Variants in XKR4 observed in about 807,000 individuals in gnomAD.
XKR4 encodes XK related 4, also known as XK-related protein 4.
In XKR4, 12 loss-of-function variants were observed where a neutral mutation model predicts 53.9. The observed-to-expected ratio is 0.22, with a 90% confidence interval of 0.14 to 0.36. The LOEUF is 0.36. XKR4 is among the 10% of genes least tolerant of loss of function. XKR4 has a pLI of 1.00. For synonymous variants in XKR4, 354 were observed against 362.4 expected (o/e 0.98, Z 0.26); for missense variants, 799 against 859.5 (o/e 0.93, Z 0.88).
At chr8:55,307,314 T>C (rs1644904381) in intron 1 of XKR4, among the ~76,000 whole-genome samples, 1 of 151,800 alleles carries the variant, frequency 6.6e-6, no homozygotes, top group Admixed American at 6.6e-5. Flanking sequence ...ACAACCTAAG[T>C]ACAAATTGGG....
At chr8:55,306,870 C>T (rs540808888) in intron 1 of XKR4, among the ~76,000 whole-genome samples, 6 of 151,598 alleles carry the variant, frequency 4.0e-5, no homozygotes, top group African/African-American at 1.5e-4. Flanking sequence ...GATGGATTTC[C>T]ATATGCAAAA....
intron 1 of XKR4, among the ~76,000 whole-genome samples, chr8:55,316,040 G>A (rs564033658): frequency 6.6e-5 from 10 of 152,196 alleles, no homozygotes; most frequent in East Asian, 3.9e-4. Context: ...CACCTACACC[G>A]TAAAAAATCA....
At chr8:55,439,178 T>G (rs1016992552) in intron 2 of XKR4, among the ~76,000 whole-genome samples, 1 of 152,232 alleles carries the variant, frequency 6.6e-6, no homozygotes, top group Admixed American at 6.5e-5. Context: ...CCTTAGAATC[T>G]TCAAGCTAAA....
At chr8:55,350,745 T>C (rs1803713130) in intron 1 of XKR4, among the ~76,000 whole-genome samples, 1 of 146,118 alleles carries the variant, frequency 6.8e-6, no homozygotes, top group Admixed American at 6.8e-5. Flanking sequence ...TTTCTTTTTT[T>C]TTTTTTTTTT....
intron 1 of XKR4, among the ~76,000 whole-genome samples, chr8:55,271,597 A>G (rs1410500984): frequency 6.6e-6 from 1 of 152,238 alleles, no homozygotes; most frequent in Non-Finnish European, 1.5e-5. Flanking sequence ...AGGGCTGGAA[A>G]GCTTTATAGC....
At chr8:55,178,615 G>A (rs1390576885) in intron 1 of XKR4, among the ~76,000 whole-genome samples, 2 of 152,206 alleles carry the variant, frequency 1.3e-5, no homozygotes, top group African/African-American at 4.8e-5. Context: ...GTGGAAGAGA[G>A]ACCCCTGAGC....
intron 1 of XKR4, among the ~76,000 whole-genome samples, chr8:55,167,712 T>C (rs1817089075): frequency 1.3e-5 from 2 of 152,044 alleles, no homozygotes; most frequent in Admixed American, 1.3e-4. Flanking sequence ...CTTTTGGGAG[T>C]CACCAACTAA....
At chr8:55,357,268 T>C (rs1241615762) in intron 1 of XKR4, among the ~76,000 whole-genome samples, 1 of 152,246 alleles carries the variant, frequency 6.6e-6, no homozygotes, top group Non-Finnish European at 1.5e-5. Flanking sequence ...AAGGTTTATA[T>C]GCACATATAT....
Position 55,450,699 on chromosome 8 carries a change from G to A in XKR4, c.1007-72582G>A, listed in dbSNP as rs1805424892. Reference sequence around the variant, plus strand: ...GTCCAGCCAGAATGTGGGCTCCCCCGTGGCTGAAGCGATGACTGAAGGACA... The same window carrying A: ...GTCCAGCCAGAATGTGGGCTCCCCCATGGCTGAAGCGATGACTGAAGGACA... On this transcript the variant is annotated intron_variant, in intron 2 of 2. Coordinates refer to ENST00000327381, the MANE Select transcript of XKR4 (RefSeq NM_052898.2). 5 of 584,302 alleles carry A rather than the reference G, an allele frequency of 8.6e-6. No homozygotes were observed. In the East Asian group the frequency reaches 1.2e-4, roughly 14 times the overall value. The allele number at this position is 584,302 out of a possible 1,614,324, so 36.2% of individuals were successfully genotyped here.
chr8:55,189,650 T>C (rs1201470263), intron 1 of XKR4, among the ~76,000 whole-genome samples: 1 of 152,218 alleles, frequency 6.6e-6, no homozygotes, highest in Non-Finnish European at 1.5e-5. Context: ...GTGACAGGAA[T>C]TTTTTAGCTT....
At chr8:55,167,747 A>G (rs146438989) in intron 1 of XKR4, among the ~76,000 whole-genome samples, 78 of 152,332 alleles carry the variant, frequency 5.1e-4, no homozygotes, top group African/African-American at 1.7e-3. Flanking sequence ...AGTCATACAA[A>G]TGGATGTAAT....
At chr8:55,453,646 G>A (rs1013995895) in intron 2 of XKR4, 1 of 423,520 alleles carries the variant, frequency 2.4e-6, no homozygotes, top group African/African-American at 2.1e-5. Context: ...TCCACTGCAT[G>A]GCGCCCTCAT....
chr8:55,281,949 C>G (rs1563314605), intron 1 of XKR4, among the ~76,000 whole-genome samples: 1 of 152,192 alleles, frequency 6.6e-6, no homozygotes, highest in Non-Finnish European at 1.5e-5. Flanking sequence ...CACCTAACAT[C>G]TTCCTTGGCT....
chr8:55,476,476 G>T (rs867147036), intron 2 of XKR4, among the ~76,000 whole-genome samples: 1 of 152,120 alleles, frequency 6.6e-6, no homozygotes, highest in African/African-American at 2.4e-5. Flanking sequence ...AGCTCCCAGC[G>T]TGAGCGACAC....
intron 1 of XKR4, among the ~76,000 whole-genome samples, chr8:55,192,523 G>A (rs939423219): frequency 5.9e-5 from 9 of 152,050 alleles, no homozygotes; most frequent in African/African-American, 1.2e-4. Flanking sequence ...AACTTTTTCC[G>A]TACTGGATCA....
intron 2 of XKR4, among the ~76,000 whole-genome samples, chr8:55,360,328 G>C (rs1803882150): frequency 6.6e-6 from 1 of 152,156 alleles, no homozygotes; most frequent in African/African-American, 2.4e-5. Flanking sequence ...TCTTCAGAGG[G>C]ACAGCTTCTA....
At chr8:55,385,771 A>C (rs1804300331) in intron 2 of XKR4, among the ~76,000 whole-genome samples, 1 of 152,212 alleles carries the variant, frequency 6.6e-6, no homozygotes, top group Non-Finnish European at 1.5e-5. Context: ...TTAGAAATAC[A>C]TTGCACTCAT....
intron 1 of XKR4, among the ~76,000 whole-genome samples, chr8:55,177,122 C>T (rs184917196): frequency 4.9e-4 from 75 of 151,880 alleles, no homozygotes; most frequent in Non-Finnish European, 8.5e-4. Context: ...CTGCAACCTC[C>T]GCCTCCCAGG....
chr8:55,440,708 A>G (rs1304537786), intron 2 of XKR4, among the ~76,000 whole-genome samples: 1 of 152,334 alleles, frequency 6.6e-6, no homozygotes, highest in South Asian at 2.1e-4. Flanking sequence ...ATTATATAGT[A>G]GAGATAGATA....
Sources: gnomAD v4.1 joint callset for allele counts (sites outside exome capture counted in the v4.1 genomes callset) on GRCh38, gnomAD v4.1.1 for gene constraint, MANE v1.5 for transcripts, NCBI Gene and HGNC (gene_info 2026-07-23, HGNC 2026-07-21) for gene names.